The following TMEM132E variants were observed in gnomAD, a reference collection of about 807,000 sequenced individuals.
TMEM132E encodes the protein transmembrane protein 132E.
A neutral mutation model predicts 78.5 loss-of-function variants in TMEM132E; 49 were observed. The ratio of observed to expected loss-of-function variants is 0.62; its 90% CI spans 0.50 to 0.79. The LOEUF (loss-of-function observed/expected upper bound fraction) is 0.79. Ranked by LOEUF, TMEM132E falls within the 30% of genes least tolerant of loss-of-function variation. TMEM132E has a pLI of 0.00. For missense variants in TMEM132E, 1,403 were observed against 1,470.9 expected (o/e 0.95, Z 0.75); for synonymous variants, 715 against 670.6 (o/e 1.07, Z -1.02).
chr17:34,612,285 G>T (rs1257746742), intron 1 of TMEM132E, among the ~76,000 whole-genome samples: 1 of 152,204 alleles, frequency 6.6e-6, no homozygotes, highest in Non-Finnish European at 1.5e-5. Flanking sequence ...AAGACTCAAA[G>T]CGCAGAAAGG....
intron 1 of TMEM132E, among the ~76,000 whole-genome samples, chr17:34,600,611 T>C (rs947940691): frequency 1.1e-4 from 16 of 151,930 alleles, no homozygotes; most frequent in Non-Finnish European, 2.1e-4. Context: ...AAGGTCGGGG[T>C]AGGAGGGCCT....
At chr17:34,588,033 G>A (rs530362527) in intron 1 of TMEM132E, among the ~76,000 whole-genome samples, 7 of 152,272 alleles carry the variant, frequency 4.6e-5, no homozygotes, top group African/African-American at 1.2e-4. Context: ...GAGTCCTGCC[G>A]GGTGCTGTCA....
chr17:34,635,902 C>G (rs1907503452), intron 7 of TMEM132E, 105 bp from the exon 8 acceptor site: 4 of 1,187,424 alleles, frequency 3.4e-6, no homozygotes, highest in Non-Finnish European at 4.4e-6. Flanking sequence ...CCTCACCCTT[C>G]AGGCCCCTCT....
chr17:34,613,207 A>ACG (rs1245968091), intron 1 of TMEM132E, among the ~76,000 whole-genome samples: 7 of 82,918 alleles, frequency 8.4e-5, no homozygotes, highest in Non-Finnish European at 1.1e-4. Context: ...CCACACACAC[A>ACG]CACACGCGCG....
chr17:34,581,163 C>T lies in TMEM132E; in HGVS notation c.67+20C>T. 1 of 1,500,410 alleles carries T rather than the reference C, an allele frequency of 6.7e-7. No homozygotes were observed. Among genetic ancestry groups the T allele is most frequent in the Non-Finnish European group, 8.9e-7 (1 of 1,128,998 alleles). The allele number at this position is 1,500,410 out of a possible 1,614,324, so 92.9% of individuals were successfully genotyped here. A position where few individuals can be genotyped will look rare whatever the true frequency, so the allele number is the denominator to read the frequency against. On this transcript the variant is annotated intron_variant, in intron 1 of 8. Transcript: ENST00000631683. ...CCCACGGTAAGTGTCGCGGCGCGGACTGGGGGTGAGGATGCGGCAGGCGCC... is the reference window on the plus strand; with the variant it reads ...CCCACGGTAAGTGTCGCGGCGCGGATTGGGGGTGAGGATGCGGCAGGCGCC...
At chr17:34,583,540 C>T (rs895088521) in intron 1 of TMEM132E, among the ~76,000 whole-genome samples, 2 of 152,214 alleles carry the variant, frequency 1.3e-5, no homozygotes, top group African/African-American at 2.4e-5. Flanking sequence ...GAATAGGGTC[C>T]GGGGACTTAG....
Position 34,635,079 on chromosome 17 carries a change from C to T in TMEM132E, c.1969C>T (p.Pro657Ser). The T allele has an allele frequency of 1.9e-6, 3 of 1,612,082 alleles. No individual in the cohort carries two copies. Among genetic ancestry groups the T allele is most frequent in the Non-Finnish European group, 2.5e-6 (3 of 1,179,042 alleles). ...TLAGLEPGTT[P>S]FKVVSPLTEA... is the part of the protein sequence containing the mutation. ...GGCAGGACTGGAGCCAGGCACCACC[C>T]CCTTTAAGGTAGGTATGGGCTCTGT... The change falls in exon 7 of 9, where the codon CCC (proline) becomes TCC (serine). Residue 657 changes from proline to serine, a missense_variant. Pro to Ser is a moderately conservative substitution (Grantham distance 74). Transcript: ENST00000631683.
chr17:34,605,449 C>T (rs1906380131), intron 1 of TMEM132E, among the ~76,000 whole-genome samples: 1 of 152,154 alleles, frequency 6.6e-6, no homozygotes, highest in Non-Finnish European at 1.5e-5. Context: ...CTGAGCCAGC[C>T]TCCCCCAAGT....
intron 1 of TMEM132E, among the ~76,000 whole-genome samples, chr17:34,618,914 A>G (rs1484108137): frequency 6.6e-6 from 1 of 152,204 alleles, no homozygotes; most frequent in Non-Finnish European, 1.5e-5. Flanking sequence ...AAGGAAGAGC[A>G]GGCCTGGAAC....
At chr17:34,623,401 T>TC (rs5820092) in intron 1 of TMEM132E, among the ~76,000 whole-genome samples, 3 of 144,906 alleles carry the variant, frequency 2.1e-5, no homozygotes, top group African/African-American at 7.9e-5. Context: ...TAGTACCCGC[T>TC]CCCCCCCCCC....
chr17:34,628,979 C>T, intron 3 of TMEM132E, 33 bp from the exon 4 acceptor site: 1 of 1,525,764 alleles, frequency 6.6e-7, no homozygotes, highest in African/African-American at 1.4e-5. Context: ...AGCCCTTCAT[C>T]CTCTGCTCTC....
At chr17:34,581,284 G>A in intron 1 of TMEM132E, 141 bp downstream of exon 1, 3 of 809,684 alleles carry the variant, frequency 3.7e-6, no homozygotes, top group Non-Finnish European at 5.3e-6. Context: ...GCTGCAGCTC[G>A]AGTTACCGCC....
Position 34,626,697 on chromosome 17 carries a change from G to T in TMEM132E, c.638G>T (p.Arg213Leu). Residue 213 changes from arginine to leucine, a missense_variant, in exon 2 of 9, where the codon CGC (arginine) becomes CTC (leucine). Arg to Leu is a moderately radical substitution (Grantham distance 102, BLOSUM62 -2). Around this residue, in one of 3 missense-constraint regions of TMEM132E, gnomAD observed 511 missense variants for 499.0 expected, o/e 1.02. Transcript: ENST00000631683. ...PAPAAPPTAR[R>L]KSPDGLEPEA... is the part of the protein sequence containing the mutation. Reference sequence around the variant, plus strand: ...CCCGCTGCGCCACCCACGGCCCGCCGCAAGTCCCCGGACGGGCTGGAGCCC... The same window carrying T: ...CCCGCTGCGCCACCCACGGCCCGCCTCAAGTCCCCGGACGGGCTGGAGCCC... 7.2e-7 allele frequency: 1 copy of T among 1,386,690 alleles called. No homozygotes were observed. The highest frequency in any genetic ancestry group is 9.4e-7 in the Non-Finnish European group (1 of 1,060,192). 85.9% of individuals were successfully genotyped at this position (1,386,690 alleles called of 1,614,324 possible). A position where few individuals can be genotyped will look rare whatever the true frequency, so the allele number is the denominator to read the frequency against.
At chr17:34,602,752 G>A (rs1906283573) in intron 1 of TMEM132E, among the ~76,000 whole-genome samples, 1 of 152,208 alleles carries the variant, frequency 6.6e-6, no homozygotes, top group African/African-American at 2.4e-5. Context: ...CCCGGGAGCT[G>A]TACACAGCAG....
At chr17:34,621,055 A>G (rs1374600746) in intron 1 of TMEM132E, among the ~76,000 whole-genome samples, 2 of 152,138 alleles carry the variant, frequency 1.3e-5, no homozygotes, top group African/African-American at 4.8e-5. Context: ...AGTCATCATC[A>G]TTATCCCCAT....
intron 1 of TMEM132E, among the ~76,000 whole-genome samples, chr17:34,589,784 C>T (rs1905801833): frequency 6.6e-6 from 1 of 152,174 alleles, no homozygotes; most frequent in Admixed American, 6.5e-5. Context: ...AGCCCACCCT[C>T]CTAGCCAAGG....
intron 1 of TMEM132E, among the ~76,000 whole-genome samples, chr17:34,616,068 A>G (rs2142071187): frequency 6.6e-6 from 1 of 152,270 alleles, no homozygotes; most frequent in Middle Eastern, 3.4e-3. Flanking sequence ...AGCCAGCCTG[A>G]CCCAAACCTT....
Position 34,580,920 on chromosome 17 carries a change from C to G in TMEM132E, c.-157C>G, listed in dbSNP as rs1056799586. 1 of 503,048 alleles carries G rather than the reference C, an allele frequency of 2.0e-6. No individual in the cohort carries two copies. The highest frequency in any genetic ancestry group is 3.4e-6 in the Non-Finnish European group (1 of 292,170). The allele number at this position is 503,048 out of a possible 1,614,324, so 31.2% of individuals were successfully genotyped here. On this transcript the variant is annotated 5_prime_UTR_variant, in exon 1 of 9. Coordinates refer to ENST00000631683, the MANE Select transcript of TMEM132E (RefSeq NM_001304438.2). The stretch of plus-strand genomic sequence containing the variant: ...GCCAGCGCCTGGGACGCCCCCTCCC[C>G]GCAAAGTGTCCCCGAATTGCACTCT...
intron 1 of TMEM132E, among the ~76,000 whole-genome samples, chr17:34,592,649 A>G (rs1905913410): frequency 6.6e-6 from 1 of 152,236 alleles, no homozygotes; most frequent in Non-Finnish European, 1.5e-5. Context: ...AATAAGAAGA[A>G]AAACCTACTC....
Sources: gnomAD v4.1 joint callset for allele counts (sites outside exome capture counted in the v4.1 genomes callset) on GRCh38, gnomAD v4.1.1 for gene constraint, gnomAD v4.1.1 regional missense constraint, MANE v1.5 for transcripts, NCBI Gene and HGNC (gene_info 2026-07-23, HGNC 2026-07-21) for gene names.